The following DIP2C variants were observed in gnomAD, a reference collection of about 807,000 sequenced individuals.
The protein encoded by DIP2C is DIP2 acetate--CoA ligase C (putative), also known as disco-interacting protein 2 homolog C.
In DIP2C, 33 loss-of-function variants were observed where a neutral mutation model predicts 192.4. The ratio of observed to expected loss-of-function variants is 0.17; its 90% CI spans 0.13 to 0.23. The LOEUF is 0.23. Ranked by LOEUF, DIP2C falls within the 10% of genes least tolerant of loss-of-function variation. DIP2C has a pLI of 1.00. For missense variants in DIP2C, 1,537 were observed against 2,110.1 expected, an observed-to-expected ratio of 0.73 and a Z score of 5.32; for synonymous variants, 979 against 864.1, an observed-to-expected ratio of 1.13 and a Z score of -2.33.
chr10:409,144 G>A (rs1965013020), intron 8 of DIP2C, 127 bp from the exon 9 acceptor site: 1 of 841,630 alleles, frequency 1.2e-6, no homozygotes, highest in Admixed American at 2.8e-5. Context: ...GCGACTTGAA[G>A]TGGGGGCAGC....
intron 10 of DIP2C, among the ~76,000 whole-genome samples, chr10:394,608 G>T (rs1963813767): frequency 6.8e-6 from 1 of 146,956 alleles, no homozygotes; most frequent in South Asian, 2.2e-4. Flanking sequence ...CAGGAGGGAA[G>T]GTGACCGTAT....
At chr10:582,863 T>TA (rs761316012) in intron 1 of DIP2C, among the ~76,000 whole-genome samples, 1 of 152,188 alleles carries the variant, frequency 6.6e-6, no homozygotes, top group Non-Finnish European at 1.5e-5. Context: ...ATTATATACC[T>TA]AAGTTCCTAT....
intron 2 of DIP2C, among the ~76,000 whole-genome samples, chr10:476,618 G>A (rs74744293): frequency 0.015 from 2,359 of 152,268 alleles, 65 homozygotes; most frequent in African/African-American, 0.053. Flanking sequence ...ACATTCTCCC[G>A]TGACTGCCTT....
chr10:372,747 C>CGCGGGAGCTCTCG (rs1246707692), intron 17 of DIP2C, among the ~76,000 whole-genome samples: 25 of 152,218 alleles, frequency 1.6e-4, no homozygotes, highest in African/African-American at 5.8e-4. Flanking sequence ...GGCACAGAAG[C>CGCGGGAGCTCTCG]ACGGGTGCTC....
chr10:350,238 G>T (rs2132638587), intron 24 of DIP2C, among the ~76,000 whole-genome samples: 1 of 152,176 alleles, frequency 6.6e-6, no homozygotes, highest in East Asian at 1.9e-4. Flanking sequence ...CCACCATCAT[G>T]ACTGGCTAAT....
chr10:430,293 C>T (rs1234185661), intron 4 of DIP2C: 1 of 152,200 alleles, frequency 6.6e-6, no homozygotes, highest in Non-Finnish European at 1.5e-5. Flanking sequence ...AAGGCGCAAT[C>T]CCACTACTGA....
intron 18 of DIP2C, among the ~76,000 whole-genome samples, chr10:366,786 G>A (rs966082462): frequency 6.6e-6 from 1 of 152,132 alleles, no homozygotes; most frequent in African/African-American, 2.4e-5. Flanking sequence ...TGCAAATCAA[G>A]CCTCTAATGT....
At chr10:288,506 G>A in intron 32 of DIP2C, 85 bp from the exon 33 acceptor site, 1 of 1,432,958 alleles carries the variant, frequency 7.0e-7, no homozygotes. Flanking sequence ...CACGAGCCTG[G>A]CAGCTGTCCG....
At chr10:303,234 C>T (rs1019719895) in intron 32 of DIP2C, among the ~76,000 whole-genome samples, 14 of 151,870 alleles carry the variant, frequency 9.2e-5, no homozygotes, top group African/African-American at 1.9e-4. Flanking sequence ...AAACTACTCG[C>T]GAGCTAAGAC....
chr10:275,647 T>C lies in DIP2C; in HGVS notation c.*1678A>G, dbSNP rs1589363103. 1 of 151,850 alleles carries C rather than the reference T, an allele frequency of 6.6e-6. No homozygotes were observed. Among genetic ancestry groups the C allele is most frequent in the Admixed American group, 6.6e-5 (1 of 15,234 alleles). The allele number at this position is 151,850 out of a possible 1,614,324, so 9.4% of individuals were successfully genotyped here. A position where few individuals can be genotyped will look rare whatever the true frequency, so the allele number is the denominator to read the frequency against. On this transcript the variant is annotated 3_prime_UTR_variant, in exon 37 of 37. Transcript: ENST00000280886. ...CCAGCATCAATCTTAGTCATGCATA[T>C]CTAGCACCGAGAGCCACTGCGGGGT...
intron 1 of DIP2C, among the ~76,000 whole-genome samples, chr10:565,825 G>T (rs1849436395): frequency 6.6e-6 from 1 of 152,228 alleles, no homozygotes; most frequent in Non-Finnish European, 1.5e-5. Flanking sequence ...CTTCTCCGAG[G>T]TATGTAACAG....
rs114283398 is a variant in DIP2C, at chr10:579,234, C to T, written c.86-92704G>A. ...CACACATCCAGATCCATTTAGTGTACGTACATAGGTACACTAACATGTGTA... is the reference window on the plus strand; with the variant it reads ...CACACATCCAGATCCATTTAGTGTATGTACATAGGTACACTAACATGTGTA... On this transcript the variant is annotated intron_variant, in intron 1 of 36. Transcript: ENST00000280886. Among the ~76,000 whole-genome samples, 105 of 151,800 alleles carry T rather than the reference C, an allele frequency of 6.9e-4. 1 individual carries two copies. The highest frequency in any genetic ancestry group is 1.9e-3 in the African/African-American group (79 of 41,358).
intron 22 of DIP2C, among the ~76,000 whole-genome samples, chr10:359,171 C>T (rs1959197170): frequency 6.6e-6 from 1 of 152,148 alleles, no homozygotes. Flanking sequence ...ACCGATGTCC[C>T]TCGGCTTCCC....
intron 1 of DIP2C, among the ~76,000 whole-genome samples, chr10:491,157 C>G (rs952043341): frequency 6.6e-6 from 1 of 152,124 alleles, no homozygotes; most frequent in Non-Finnish European, 1.5e-5. Flanking sequence ...GTGCTGTGAA[C>G]GTCAGGCTCA....
chr10:414,050 CCG>C lies in DIP2C; in HGVS notation c.918_919del (p.Gly307ArgfsTer76), dbSNP rs1266392763. 2 of 1,613,926 alleles carry C rather than the reference CCG, an allele frequency of 1.2e-6. No individual in the cohort carries two copies. Among genetic ancestry groups the C allele is most frequent in the African/African-American group, 1.3e-5 (1 of 75,064 alleles). On this transcript the variant is annotated frameshift_variant, in exon 8 of 37. Coordinates refer to ENST00000280886, the MANE Select transcript of DIP2C (RefSeq NM_014974.3). LOFTEE classifies it high-confidence loss of function. ...GTTCGTGACCACGCCCAGCTGCTCTCCGCGCATGGCCAGCATCTGGGCCCCCT... is the reference window on the plus strand; with the variant it reads ...GTTCGTGACCACGCCCAGCTGCTCTCCGCATGGCCAGCATCTGGGCCCCCT...
chr10:434,733 C>T (rs1207869059), intron 4 of DIP2C, among the ~76,000 whole-genome samples: 1 of 152,156 alleles, frequency 6.6e-6, no homozygotes, highest in Non-Finnish European at 1.5e-5. Context: ...AAGATAATTT[C>T]ACAGGGTATA....
intron 36 of DIP2C, among the ~76,000 whole-genome samples, chr10:278,428 G>A (rs1000798236): frequency 5.0e-5 from 7 of 140,160 alleles, no homozygotes; most frequent in Non-Finnish European, 7.9e-5. Context: ...TTCTCCTGGC[G>A]TGCCTGTGCC....
chr10:527,572 T>C (rs1034620697), intron 1 of DIP2C, among the ~76,000 whole-genome samples: 1 of 152,220 alleles, frequency 6.6e-6, no homozygotes, highest in African/African-American at 2.4e-5. Flanking sequence ...CGATTACAAA[T>C]GTACTACAGA....
At chr10:566,403 C>T (rs936350958) in intron 1 of DIP2C, among the ~76,000 whole-genome samples, 19 of 152,220 alleles carry the variant, frequency 1.2e-4, no homozygotes, top group Admixed American at 5.2e-4. Context: ...GCCGCTGACC[C>T]ACCAGAGGCG....
Sources: gnomAD v4.1 joint callset for allele counts (sites outside exome capture counted in the v4.1 genomes callset) on GRCh38, gnomAD v4.1.1 for gene constraint, MANE v1.5 for transcripts, NCBI Gene and HGNC (gene_info 2026-07-23, HGNC 2026-07-21) for gene names.